KIF3B: variants seen among roughly 807,000 people sequenced by gnomAD.
KIF3B encodes kinesin-like protein KIF3B.
Under a neutral mutation model 74.3 loss-of-function variants are expected in KIF3B, and 38 were observed. The observed-to-expected ratio is 0.51, with a 90% CI of 0.39 to 0.67. KIF3B has a LOEUF of 0.67. KIF3B is among the 30% of genes least tolerant of loss of function. The pLI is 0.00. For synonymous variants in KIF3B, 326 were observed against 342.5 expected (o/e 0.95, Z 0.53); for missense variants, 649 against 932.0 (o/e 0.70, Z 3.95).
At chr20:32,301,085 C>CTTTTTT (rs950388063) in intron 1 of KIF3B, among the ~76,000 whole-genome samples, 10 of 90,184 alleles carry the variant, frequency 1.1e-4, no homozygotes, top group Admixed American at 1.4e-4. Flanking sequence ...GCTTCATGGT[C>CTTTTTT]TTTTTTTTTT....
At chr20:32,284,838 A>G (rs2047659951) in intron 1 of KIF3B, among the ~76,000 whole-genome samples, 1 of 152,238 alleles carries the variant, frequency 6.6e-6, no homozygotes, top group South Asian at 2.1e-4. Flanking sequence ...TTAGCCAAGC[A>G]CTGTTGTAAG....
In KIF3B at chr20:32,287,730, A is replaced by G. The variant is rs542849540; in HGVS notation, c.-66+9965A>G. 3.3e-3 allele frequency among the ~76,000 whole-genome samples: 504 copies of G among 152,272 alleles called. 1 individual carries two copies. Among genetic ancestry groups the G allele is most frequent in the Middle Eastern group, 6.8e-3 (2 of 292 alleles). The stretch of plus-strand genomic sequence containing the variant: ...TGTTTCCACCTTTTTATAATCACAT[A>G]TAATGTGTTATACAGAATATCTCCT... On this transcript the variant is annotated intron_variant, in intron 1 of 8. Coordinates refer to ENST00000375712, the MANE Select transcript of KIF3B (RefSeq NM_004798.4).
At chr20:32,322,695 T>A (rs1160203141) in intron 5 of KIF3B, among the ~76,000 whole-genome samples, 1 of 72,954 alleles carries the variant, frequency 1.4e-5, no homozygotes, top group Non-Finnish European at 2.2e-5. Flanking sequence ...TATATTTATA[T>A]ATATTTATAT....
At chr20:32,323,548 G>C (rs1387740746) in intron 5 of KIF3B, among the ~76,000 whole-genome samples, 1 of 151,850 alleles carries the variant, frequency 6.6e-6, no homozygotes, top group African/African-American at 2.4e-5. Context: ...TACTCGAGTA[G>C]TGAGCCACCA....
Position 32,327,555 on chromosome 20 carries a change from G to A in KIF3B, c.1863-1G>A. Reference sequence around the variant, plus strand: ...GCTTTAACACTGCAGTTCATTTCCAGGAACCAGCAGATGATGAAGCGGCCA... The same window carrying A: ...GCTTTAACACTGCAGTTCATTTCCAAGAACCAGCAGATGATGAAGCGGCCA... On this transcript the variant is annotated splice_acceptor_variant, in intron 6 of 8. Coordinates refer to ENST00000375712, the MANE Select transcript of KIF3B (RefSeq NM_004798.4). LOFTEE classifies it high-confidence loss of function. 1 of 1,612,732 alleles carries A rather than the reference G, an allele frequency of 6.2e-7. No homozygotes were observed. The highest frequency in any genetic ancestry group is 8.5e-7 in the Non-Finnish European group (1 of 1,179,062).
intron 7 of KIF3B, among the ~76,000 whole-genome samples, chr20:32,328,968 C>T (rs1289950119): frequency 1.3e-5 from 2 of 152,122 alleles, no homozygotes; most frequent in Admixed American, 6.5e-5. Flanking sequence ...AGTGCAGTGG[C>T]GCGAGCTCTG....
At chr20:32,306,452 A>G (rs2047771519) in intron 1 of KIF3B, among the ~76,000 whole-genome samples, 2 of 152,094 alleles carry the variant, frequency 1.3e-5, no homozygotes, top group Admixed American at 6.6e-5. Context: ...ATTATACCAC[A>G]TCCTTATTTA....
At chr20:32,290,244 G>A (rs991207440) in intron 1 of KIF3B, among the ~76,000 whole-genome samples, 2 of 152,162 alleles carry the variant, frequency 1.3e-5, no homozygotes, top group Admixed American at 6.6e-5. Flanking sequence ...TTAGCCGTGC[G>A]TGGTGGCAGG....
intron 1 of KIF3B, among the ~76,000 whole-genome samples, chr20:32,305,685 C>T (rs971730930): frequency 3.5e-5 from 5 of 143,226 alleles, no homozygotes; most frequent in Non-Finnish European, 6.0e-5. Context: ...CAGGTTCAAA[C>T]AATTCTGCTG....
At chr20:32,308,234 T>G (rs2047781844) in intron 1 of KIF3B, among the ~76,000 whole-genome samples, 1 of 152,126 alleles carries the variant, frequency 6.6e-6, no homozygotes. Flanking sequence ...AGACTCCGTC[T>G]CAAATTAAAA....
chr20:32,282,770 GC>G (rs1212815042), intron 1 of KIF3B, among the ~76,000 whole-genome samples: 3 of 152,146 alleles, frequency 2.0e-5, no homozygotes, highest in Admixed American at 1.3e-4. Context: ...CATTCTCCCT[GC>G]CAAAGTGGTT....
chr20:32,334,397 A>G lies in KIF3B; in HGVS notation c.*3078A>G, dbSNP rs1372225832. 1.3e-5 allele frequency: 2 copies of G among 152,610 alleles called. No homozygotes were observed. Among genetic ancestry groups the G allele is most frequent in the Non-Finnish European group, 2.9e-5 (2 of 68,070 alleles). The allele number at this position is 152,610 out of a possible 1,614,324, so 9.5% of individuals were successfully genotyped here. The stretch of plus-strand genomic sequence containing the variant: ...ATGACCAAGGGCGCCAGAGTGCTGC[A>G]ACTGGGGCGTGGGCCGCTCTCTGCT... On this transcript the variant is annotated 3_prime_UTR_variant, in exon 9 of 9. Transcript: ENST00000375712.
chr20:32,329,777 T>C (rs1247193839), intron 7 of KIF3B, among the ~76,000 whole-genome samples: 2 of 152,214 alleles, frequency 1.3e-5, no homozygotes, highest in Non-Finnish European at 1.5e-5. Context: ...TGCTCATCTG[T>C]ATTTTATAAC....
At chr20:32,308,250 G>T (rs892339165) in intron 1 of KIF3B, among the ~76,000 whole-genome samples, 2 of 152,002 alleles carry the variant, frequency 1.3e-5, no homozygotes, top group Non-Finnish European at 2.9e-5. Context: ...TAAAAAAAGG[G>T]TTTCATTCTG....
chr20:32,292,668 C>T lies in KIF3B; in HGVS notation c.-66+14903C>T, dbSNP rs534491765. Among the ~76,000 whole-genome samples the T allele has an allele frequency of 4.0e-5, 6 of 150,964 alleles. No homozygotes were observed. In the South Asian group the frequency reaches 1.3e-3, roughly 32 times the overall value. On this transcript the variant is annotated intron_variant, in intron 1 of 8. Transcript: ENST00000375712. The stretch of plus-strand genomic sequence containing the variant: ...AGCTACTCTGGAGGCTGAGGTGGGA[C>T]GATTGCTTGAGCGAGGAGTTCGAGG...
At chr20:32,327,491 G>T in intron 6 of KIF3B, 65 bp from the exon 7 acceptor site, 1 of 1,333,136 alleles carries the variant, frequency 7.5e-7, no homozygotes. Flanking sequence ...GGTTCTGTCA[G>T]TGTCTTCCGA....
chr20:32,293,510 T>G (rs889743371), intron 1 of KIF3B, among the ~76,000 whole-genome samples: 17 of 151,672 alleles, frequency 1.1e-4, no homozygotes, highest in African/African-American at 3.9e-4. Context: ...CTGAGGAGGT[T>G]GAGGTGGGAA....
chr20:32,330,308 A>C lies in KIF3B; in HGVS notation c.2136A>C (p.Lys712Asn). The change falls in exon 8 of 9, where the codon AAA becomes AAC. Residue 712 changes from lysine (K) to asparagine (N), a missense_variant. By Grantham distance (94) the Lys-to-Asn change is moderately conservative (BLOSUM62 0). Around this residue, in one of 4 missense-constraint regions of KIF3B, gnomAD observed 186 missense variants for 198.5 expected, o/e 0.94. Coordinates refer to ENST00000375712, the MANE Select transcript of KIF3B (RefSeq NM_004798.4). ...ASSFESTANK[K>N]SKARPKSGRK... The stretch of plus-strand genomic sequence containing the variant: ...CATTTGAAAGCACTGCAAATAAGAA[A>C]TCCAAGGCCAGGTGAGTGGCTTTGA... The C allele has an allele frequency of 6.2e-7, 1 of 1,613,950 alleles. No individual in the cohort carries two copies. Among genetic ancestry groups the C allele is most frequent in the Non-Finnish European group, 8.5e-7 (1 of 1,179,918 alleles).
intron 1 of KIF3B, among the ~76,000 whole-genome samples, chr20:32,305,664 C>G (rs1252605403): frequency 1.4e-5 from 2 of 147,920 alleles, no homozygotes; most frequent in East Asian, 4.1e-4. Context: ...CTCACTGCAG[C>G]CTCCGCCTCC....
Sources: gnomAD v4.1 joint callset for allele counts (sites outside exome capture counted in the v4.1 genomes callset) on GRCh38, gnomAD v4.1.1 for gene constraint, gnomAD v4.1.1 regional missense constraint, MANE v1.5 for transcripts, NCBI Gene and HGNC (gene_info 2026-07-23, HGNC 2026-07-21) for gene names.